GRID2: variants seen among roughly 807,000 people sequenced by gnomAD.
GRID2 encodes the protein glutamate ionotropic receptor delta type subunit 2.
Under a neutral mutation model 114.8 loss-of-function variants are expected in GRID2, and 33 were observed. The observed-to-expected ratio is 0.29, with a 90% CI of 0.22 to 0.38. GRID2 has a LOEUF of 0.38. Among genes scored for constraint, GRID2 ranks in the 10% least tolerant of loss-of-function variants. GRID2 has a pLI of 1.00. For synonymous variants in GRID2, 505 were observed against 449.9 expected, an observed-to-expected ratio of 1.12 and a Z score of -1.55; for missense variants, 1,184 against 1,257.7, an observed-to-expected ratio of 0.94 and a Z score of 0.89.
intron 9 of GRID2, among the ~76,000 whole-genome samples, chr4:93,417,579 C>A (rs1358407681): frequency 6.6e-6 from 1 of 151,994 alleles, no homozygotes; most frequent in Non-Finnish European, 1.5e-5. Flanking sequence ...TTCCCAGCAT[C>A]CCAGAGTCTA....
chr4:92,514,408 G>A (rs1052316364), intron 1 of GRID2, among the ~76,000 whole-genome samples: 1 of 151,688 alleles, frequency 6.6e-6, no homozygotes, highest in African/African-American at 2.4e-5. Flanking sequence ...TATGACTCAG[G>A]TACTGATTTA....
At chr4:93,372,658 C>T (rs1763042048) in intron 8 of GRID2, among the ~76,000 whole-genome samples, 2 of 151,542 alleles carry the variant, frequency 1.3e-5, no homozygotes, top group Admixed American at 1.3e-4. Flanking sequence ...CCATTTTTCA[C>T]TGTCTATTTT....
At position 93,795,477 on chromosome 4, in the gene GRID2, A is replaced by T. The variant is rs567729071; in HGVS notation, c.222-11238A>T. On this transcript the variant is annotated intron_variant, in intron 1 of 1. Transcript: ENST00000637838. Reference sequence around the variant, plus strand: ...AATAAACAGAAAGGCAGTAGTGTATATTTTGCTAAAGAACATGGTCCTTCA... The same window carrying T: ...AATAAACAGAAAGGCAGTAGTGTATTTTTTGCTAAAGAACATGGTCCTTCA... 7.2e-5 allele frequency among the ~76,000 whole-genome samples: 11 copies of T among 152,240 alleles called. No homozygotes were observed. The South Asian group carries it at 2.1e-3, about 29-fold the overall frequency.
At chr4:93,271,425 G>A (rs1290878408) in intron 8 of GRID2, among the ~76,000 whole-genome samples, 2 of 152,154 alleles carry the variant, frequency 1.3e-5, no homozygotes, top group African/African-American at 4.8e-5. Flanking sequence ...ACCTGAGGGA[G>A]CCAGCAATCC....
At chr4:92,326,810 A>G (rs1339865347) in intron 1 of GRID2, among the ~76,000 whole-genome samples, 1 of 152,018 alleles carries the variant, frequency 6.6e-6, no homozygotes, top group African/African-American at 2.4e-5. Context: ...ACAGAAGATA[A>G]ATAATACTGT....
In GRID2 at chr4:93,151,374, C is replaced by T. The variant is rs939549079; in HGVS notation, c.735+40421C>T. 3.9e-5 allele frequency among the ~76,000 whole-genome samples: 6 copies of T among 152,096 alleles called. No homozygotes were observed. The South Asian group carries it at 1.0e-3, about 26-fold the overall frequency. On this transcript the variant is annotated intron_variant, in intron 4 of 15. Coordinates refer to ENST00000282020, the MANE Select transcript of GRID2 (RefSeq NM_001510.4). ...TCCCCATCCTTTTCCATCCCCTTAACCTCAGAATTGCACCTCAAAAGGAGA... is the reference window on the plus strand; with the variant it reads ...TCCCCATCCTTTTCCATCCCCTTAATCTCAGAATTGCACCTCAAAAGGAGA...
At chr4:93,606,158 T>G (rs1740214545) in intron 13 of GRID2, among the ~76,000 whole-genome samples, 1 of 152,104 alleles carries the variant, frequency 6.6e-6, no homozygotes, top group Non-Finnish European at 1.5e-5. Flanking sequence ...TCCCAGCTAC[T>G]TGGGAGGCTG....
intron 1 of GRID2, among the ~76,000 whole-genome samples, chr4:92,417,828 C>T (rs1731695294): frequency 6.6e-6 from 1 of 152,110 alleles, no homozygotes; most frequent in Non-Finnish European, 1.5e-5. Context: ...GAGGGCAAGC[C>T]TTTCCCATGC....
At chr4:93,572,097 C>A (rs1268449849) in intron 13 of GRID2, among the ~76,000 whole-genome samples, 1 of 152,122 alleles carries the variant, frequency 6.6e-6, no homozygotes, top group African/African-American at 2.4e-5. Flanking sequence ...CTTGAAAGAT[C>A]ATCTAACTTG....
intron 2 of GRID2, among the ~76,000 whole-genome samples, chr4:92,614,070 G>A (rs1019621795): frequency 3.3e-5 from 5 of 151,218 alleles, no homozygotes; most frequent in African/African-American, 1.2e-4. Context: ...CTAGCTATTT[G>A]AAACCATATA....
intron 1 of GRID2, among the ~76,000 whole-genome samples, chr4:92,468,629 C>T (rs1302873499): frequency 6.6e-6 from 1 of 151,958 alleles, no homozygotes; most frequent in African/African-American, 2.4e-5. Flanking sequence ...AACAAAAAAA[C>T]AAACACCTCT....
At chr4:92,597,625 C>A (rs762973118) in intron 2 of GRID2, among the ~76,000 whole-genome samples, 2 of 152,088 alleles carry the variant, frequency 1.3e-5, no homozygotes, top group Non-Finnish European at 2.9e-5. Context: ...TGTCTGTGTT[C>A]TTTCTTCTAC....
At chr4:93,587,485 C>G (rs2043528) in intron 13 of GRID2, among the ~76,000 whole-genome samples, 5,716 of 152,066 alleles carry the variant, frequency 0.038, 362 homozygotes, top group African/African-American at 0.13. Flanking sequence ...GTGATTTTTG[C>G]CTACATCCAT....
chr4:92,655,674 A>T (rs1157242558), intron 2 of GRID2, among the ~76,000 whole-genome samples: 1 of 150,644 alleles, frequency 6.6e-6, no homozygotes, highest in South Asian at 2.1e-4. Context: ...TTTTTCATCT[A>T]CTTCATTATT....
Position 93,773,663 on chromosome 4 carries a change from G to A in GRID2, c.*1165G>A, listed in dbSNP as rs1294246050. The A allele has an allele frequency of 1.3e-5, 2 of 152,058 alleles. No homozygotes were observed. Among genetic ancestry groups the A allele is most frequent in the African/African-American group, 4.8e-5 (2 of 41,416 alleles). The allele number at this position is 152,058 out of a possible 1,614,324, so 9.4% of individuals were successfully genotyped here. On this transcript the variant is annotated 3_prime_UTR_variant, in exon 16 of 16. Coordinates refer to ENST00000282020, the MANE Select transcript of GRID2 (RefSeq NM_001510.4). Reference sequence around the variant, plus strand: ...TGAAGGTTAAAAATCCTCTTCCAAAGCAGCAAGTCAATCAATACAATAATG... The same window carrying A: ...TGAAGGTTAAAAATCCTCTTCCAAAACAGCAAGTCAATCAATACAATAATG...
intron 8 of GRID2, among the ~76,000 whole-genome samples, chr4:93,263,422 T>C (rs1428209690): frequency 6.6e-6 from 1 of 152,018 alleles, no homozygotes; most frequent in African/African-American, 2.4e-5. Context: ...TTTCAATCCA[T>C]CTGAGATTTT....
intron 2 of GRID2, among the ~76,000 whole-genome samples, chr4:92,919,048 A>G (rs182658299): frequency 2.6e-5 from 4 of 152,296 alleles, no homozygotes; most frequent in African/African-American, 9.6e-5. Context: ...TGGCCCATTC[A>G]GAGATTCAAC....
chr4:92,708,462 C>G (rs577615463), intron 2 of GRID2, among the ~76,000 whole-genome samples: 1 of 152,062 alleles, frequency 6.6e-6, no homozygotes, highest in Non-Finnish European at 1.5e-5. Context: ...TTGGTAGCAC[C>G]GCTCTGGAAT....
At chr4:93,465,915 G>GT (rs1724221584) in intron 11 of GRID2, among the ~76,000 whole-genome samples, 1 of 152,112 alleles carries the variant, frequency 6.6e-6, no homozygotes, top group South Asian at 2.1e-4. Flanking sequence ...ATTACTACAT[G>GT]TTTTTATAAT....
Sources: gnomAD v4.1 joint callset for allele counts (sites outside exome capture counted in the v4.1 genomes callset) on GRCh38, gnomAD v4.1.1 for gene constraint, MANE v1.5 for transcripts, NCBI Gene and HGNC (gene_info 2026-07-23, HGNC 2026-07-21) for gene names.